Variants in SLC22A15 observed in about 807,000 individuals in gnomAD.
SLC22A15 encodes the protein solute carrier family 22 member 15.
SLC22A15 carries 45 observed loss-of-function variants against 62.7 expected under a neutral mutation model. That is an observed-to-expected ratio of 0.72 (90% CI 0.56 to 0.92). The LOEUF (loss-of-function observed/expected upper bound fraction) is 0.92. Ranked by LOEUF, SLC22A15 falls within the 40% of genes least tolerant of loss-of-function variation. The probability of loss-of-function intolerance (pLI) is 0.00; values close to 1 mark genes in which losing one functional copy is unlikely to be tolerated. For missense variants in SLC22A15, 622 were observed against 665.6 expected (o/e 0.93, Z 0.72); for synonymous variants, 264 against 267.0 (o/e 0.99, Z 0.11).
chr1:116,058,315 T>C (rs1658280348), intron 8 of SLC22A15, among the ~76,000 whole-genome samples: 2 of 151,982 alleles, frequency 1.3e-5, no homozygotes, highest in African/African-American at 4.8e-5. Flanking sequence ...AGAACATGAA[T>C]AGACAATTCT....
intron 8 of SLC22A15, among the ~76,000 whole-genome samples, chr1:116,055,187 A>C (rs1176263478): frequency 6.6e-6 from 1 of 151,476 alleles, no homozygotes; most frequent in African/African-American, 2.4e-5. Context: ...AAGAGAGAAG[A>C]ATCAAATAGA....
chr1:115,979,237 G>A (rs10923925), intron 1 of SLC22A15, among the ~76,000 whole-genome samples: 74,013 of 152,018 alleles, frequency 0.49, 20,708 homozygotes, highest in Non-Finnish European at 0.64. Context: ...TTGAATTATT[G>A]GTACCATCAT....
At chr1:116,022,833 G>A (rs879232574) in intron 4 of SLC22A15, among the ~76,000 whole-genome samples, 6 of 152,216 alleles carry the variant, frequency 3.9e-5, no homozygotes, top group Admixed American at 1.3e-4. Flanking sequence ...TTGAGAGCAT[G>A]TATGAGAGTT....
At chr1:116,038,922 A>G (rs561913536) in intron 8 of SLC22A15, among the ~76,000 whole-genome samples, 1 of 151,900 alleles carries the variant, frequency 6.6e-6, no homozygotes, top group South Asian at 2.1e-4. Context: ...CTTCCCTCCC[A>G]CTTATTTGCA....
intron 5 of SLC22A15, among the ~76,000 whole-genome samples, chr1:116,027,894 G>A (rs1657179542): frequency 6.6e-6 from 1 of 152,142 alleles, no homozygotes. Context: ...CAAAGTGCTG[G>A]GATTACAGGC....
At position 115,990,835 on chromosome 1, in the gene SLC22A15, G is replaced by A. The variant is rs866469751; in HGVS notation, c.88-1196G>A. Among the ~76,000 whole-genome samples the A allele has an allele frequency of 1.6e-4, 25 of 152,210 alleles. No homozygotes were observed. In the East Asian group the frequency reaches 2.3e-3, roughly 14 times the overall value. ...TGCAGTGGCGTGATCTCAGCTCACC[G>A]CAACTTCCACCTGCTGGGTTCAAGC... On this transcript the variant is annotated intron_variant, in intron 1 of 11. Coordinates refer to ENST00000369503, the MANE Select transcript of SLC22A15 (RefSeq NM_018420.3).
At chr1:116,005,656 G>T (rs1213495553) in intron 2 of SLC22A15, among the ~76,000 whole-genome samples, 10 of 152,028 alleles carry the variant, frequency 6.6e-5, no homozygotes, top group Admixed American at 6.5e-4. Context: ...TTTTCCATAG[G>T]CAGGGTACTG....
intron 3 of SLC22A15, among the ~76,000 whole-genome samples, 179 bp downstream of exon 3, chr1:116,019,893 C>T (rs1013855453): frequency 3.9e-5 from 6 of 152,204 alleles, no homozygotes; most frequent in East Asian, 3.8e-4. Context: ...TGGCCAGGCA[C>T]CTTTAAGTTA....
intron 1 of SLC22A15, among the ~76,000 whole-genome samples, chr1:115,989,470 G>C (rs987181409): frequency 6.6e-6 from 1 of 151,976 alleles, no homozygotes; most frequent in Non-Finnish European, 1.5e-5. Context: ...GCTTATCCTA[G>C]AACAATCCAG....
chr1:116,003,213 T>C (rs1655821724), intron 2 of SLC22A15, among the ~76,000 whole-genome samples: 1 of 152,188 alleles, frequency 6.6e-6, no homozygotes, highest in African/African-American at 2.4e-5. Context: ...GTGGCTGAGC[T>C]GGTATGCAAA....
intron 2 of SLC22A15, among the ~76,000 whole-genome samples, chr1:116,008,795 T>C (rs192583318): frequency 2.6e-5 from 4 of 152,206 alleles, no homozygotes; most frequent in South Asian, 2.1e-4. Flanking sequence ...CCACAGTTAG[T>C]AAACAAGCCT....
intron 1 of SLC22A15, among the ~76,000 whole-genome samples, chr1:115,991,490 C>T (rs1164660842): frequency 6.6e-6 from 1 of 152,088 alleles, no homozygotes; most frequent in African/African-American, 2.4e-5. Context: ...AAAATAGTGC[C>T]TACTCTAGTA....
intron 8 of SLC22A15, among the ~76,000 whole-genome samples, chr1:116,048,439 C>G (rs1424438031): frequency 1.3e-5 from 2 of 152,180 alleles, no homozygotes; most frequent in East Asian, 3.9e-4. Context: ...TCAGCCTCCT[C>G]AAACCGAACA....
At chr1:116,055,075 A>C (rs1444805226) in intron 8 of SLC22A15, among the ~76,000 whole-genome samples, 5 of 150,964 alleles carry the variant, frequency 3.3e-5, no homozygotes, top group Non-Finnish European at 5.9e-5. Context: ...TGAAGGAAAT[A>C]GAGACACAAA....
At chr1:116,053,441 A>G (rs906987257) in intron 8 of SLC22A15, among the ~76,000 whole-genome samples, 1 of 152,244 alleles carries the variant, frequency 6.6e-6, no homozygotes, top group African/African-American at 2.4e-5. Flanking sequence ...GTGTACCTGA[A>G]AGTGACGGGG....
chr1:116,046,234 G>A (rs187643526), intron 8 of SLC22A15, among the ~76,000 whole-genome samples: 2,570 of 151,654 alleles, frequency 0.017, 72 homozygotes, highest in African/African-American at 0.059. Flanking sequence ...AGCACAAAAA[G>A]AAAAAAAATT....
intron 8 of SLC22A15, among the ~76,000 whole-genome samples, chr1:116,056,710 A>G (rs1008956129): frequency 6.6e-6 from 1 of 152,202 alleles, no homozygotes; most frequent in Admixed American, 6.5e-5. Context: ...AAACAGAGAT[A>G]TAGATCAATG....
chr1:116,011,733 G>A (rs1165065334), intron 2 of SLC22A15, among the ~76,000 whole-genome samples: 4 of 152,074 alleles, frequency 2.6e-5, no homozygotes, highest in Non-Finnish European at 5.9e-5. Context: ...TAAGTCAGAC[G>A]AGACTTAAGG....
At chr1:116,019,820 A>G in intron 3 of SLC22A15, 106 bp downstream of exon 3, 2 of 1,226,780 alleles carry the variant, frequency 1.6e-6, no homozygotes, top group South Asian at 1.6e-5. Context: ...GGGAATTGGC[A>G]TATGGACACA....
Sources: allele counts gnomAD v4.1 joint callset (sites outside exome capture counted in the v4.1 genomes callset), GRCh38; gene constraint gnomAD v4.1.1; transcripts MANE v1.5; gene names NCBI Gene and HGNC (gene_info 2026-07-23, HGNC 2026-07-21).